Variants in WASF3 observed in about 807,000 individuals in gnomAD.
The protein encoded by WASF3 is actin-binding protein WASF3.
Under a neutral mutation model 46.6 loss-of-function variants are expected in WASF3, and 11 were observed. The ratio of observed to expected loss-of-function variants is 0.24; its 90% CI spans 0.15 to 0.39. WASF3 has a LOEUF of 0.39. WASF3 is among the 10% of genes least tolerant of loss of function. WASF3 has a pLI of 1.00. For synonymous variants in WASF3, 242 were observed against 259.7 expected (o/e 0.93, Z 0.65); for missense variants, 576 against 669.8 (o/e 0.86, Z 1.55).
At chr13:26,629,918 C>A (rs1881600044) in intron 2 of WASF3, among the ~76,000 whole-genome samples, 2 of 152,048 alleles carry the variant, frequency 1.3e-5, no homozygotes, top group African/African-American at 4.8e-5. Flanking sequence ...GGTCCTAGGG[C>A]CTTGCCTTTG....
At chr13:26,644,923 A>G (rs1189536976) in intron 3 of WASF3, among the ~76,000 whole-genome samples, 1 of 152,132 alleles carries the variant, frequency 6.6e-6, no homozygotes, top group East Asian at 1.9e-4. Flanking sequence ...TTCCCCTCCC[A>G]TTTGTGGTGC....
intron 1 of WASF3, among the ~76,000 whole-genome samples, chr13:26,561,655 T>C (rs1160637962): frequency 5.9e-5 from 9 of 152,160 alleles, no homozygotes; most frequent in Admixed American, 5.9e-4. Context: ...ACAGGGAGAC[T>C]GGGGGATGTT....
chr13:26,658,003 C>T (rs182916549), intron 3 of WASF3, among the ~76,000 whole-genome samples: 1 of 152,286 alleles, frequency 6.6e-6, no homozygotes. Context: ...GGTTAGGCAT[C>T]GGACCTAGAA....
chr13:26,569,333 C>T (rs1879565190), intron 1 of WASF3, among the ~76,000 whole-genome samples: 1 of 152,158 alleles, frequency 6.6e-6, no homozygotes, highest in Non-Finnish European at 1.5e-5. Flanking sequence ...CAGTATCTAT[C>T]AGCTTGTTGG....
At position 26,575,052 on chromosome 13, in the gene WASF3, G is replaced by C. The variant is rs563644051; in HGVS notation, c.-109+17233G>C. Among the ~76,000 whole-genome samples, 30 of 152,148 alleles carry C rather than the reference G, an allele frequency of 2.0e-4. No individual in the cohort carries two copies. The East Asian group carries it at 3.1e-3, about 16-fold the overall frequency. On this transcript the variant is annotated intron_variant, in intron 1 of 9. Coordinates refer to ENST00000335327, the MANE Select transcript of WASF3 (RefSeq NM_006646.6). ...GGGGTTACACTGTGTTAGCCAGGATGGTCTCGATCTCCTGACCTTGTGATC... is the reference window on the plus strand; with the variant it reads ...GGGGTTACACTGTGTTAGCCAGGATCGTCTCGATCTCCTGACCTTGTGATC...
chr13:26,561,587 C>T (rs1395287785), intron 1 of WASF3, among the ~76,000 whole-genome samples: 2 of 152,130 alleles, frequency 1.3e-5, no homozygotes, highest in African/African-American at 4.8e-5. Flanking sequence ...TTAGCTGTCC[C>T]AGACTGTCTC....
chr13:26,592,026 GTT>G (rs10607701), intron 1 of WASF3, among the ~76,000 whole-genome samples: 82,381 of 121,190 alleles, frequency 0.68, 26,887 homozygotes, highest in East Asian at 0.85. Flanking sequence ...GAGCAGGCGA[GTT>G]TTTTTTTTTT....
the WASF3 span, among the ~76,000 whole-genome samples, chr13:26,542,668 C>T: frequency 1.3e-5 from 2 of 152,214 alleles, no homozygotes; most frequent in African/African-American, 4.8e-5. Context: ...TCACACAAAG[C>T]TATATGTTAG....
intron 1 of WASF3, among the ~76,000 whole-genome samples, chr13:26,587,424 G>A (rs1408438842): frequency 6.6e-6 from 1 of 152,020 alleles, no homozygotes; most frequent in Non-Finnish European, 1.5e-5. Context: ...TCATTTGTCT[G>A]TTTCTTTTCC....
At chr13:26,573,316 A>G (rs548113557) in intron 1 of WASF3, among the ~76,000 whole-genome samples, 1 of 151,988 alleles carries the variant, frequency 6.6e-6, no homozygotes, top group East Asian at 1.9e-4. Context: ...GTATTTGTGC[A>G]TTTGCTCATT....
chr13:26,590,079 C>T (rs1880244687), intron 1 of WASF3, among the ~76,000 whole-genome samples: 1 of 152,218 alleles, frequency 6.6e-6, no homozygotes, highest in Non-Finnish European at 1.5e-5. Context: ...GAATAGCATT[C>T]TAACAGTATT....
intron 1 of WASF3, among the ~76,000 whole-genome samples, chr13:26,601,378 A>G (rs1283750571): frequency 7.6e-6 from 1 of 131,756 alleles, no homozygotes. Context: ...GGAGTTCTAT[A>G]GTCATTTAAT....
chr13:26,660,845 C>G (rs1566066567), intron 3 of WASF3, among the ~76,000 whole-genome samples: 1 of 152,134 alleles, frequency 6.6e-6, no homozygotes, highest in Non-Finnish European at 1.5e-5. Context: ...GATGATTGTG[C>G]AGGCTGTACA....
chr13:26,546,644 G>A, the WASF3 span, among the ~76,000 whole-genome samples: 12 of 152,156 alleles, frequency 7.9e-5, no homozygotes, highest in Non-Finnish European at 1.5e-4. Context: ...CCCGGGAGGC[G>A]GAGGTTGTGG....
chr13:26,610,858 G>C (rs1465158287), intron 1 of WASF3, among the ~76,000 whole-genome samples: 1 of 152,144 alleles, frequency 6.6e-6, no homozygotes, highest in African/African-American at 2.4e-5. Context: ...AGGAGTTACT[G>C]ATATGCTCTC....
the WASF3 span, among the ~76,000 whole-genome samples, chr13:26,542,561 GT>G: frequency 9.2e-5 from 14 of 152,158 alleles, no homozygotes; most frequent in African/African-American, 3.4e-4. Flanking sequence ...CCTTTCAAAT[GT>G]TTTTGTATTA....
At chr13:26,592,278 A>G (rs1321544934) in intron 1 of WASF3, among the ~76,000 whole-genome samples, 1 of 152,196 alleles carries the variant, frequency 6.6e-6, no homozygotes, top group Non-Finnish European at 1.5e-5. Context: ...ATTCCAGAAT[A>G]TTGGAAATAT....
At chr13:26,620,702 C>G (rs1309303025) in intron 2 of WASF3, 3 of 152,172 alleles carry the variant, frequency 2.0e-5, no homozygotes, top group Non-Finnish European at 4.4e-5. Flanking sequence ...AACAGAGAAA[C>G]TGCAAGACAG....
intron 6 of WASF3, among the ~76,000 whole-genome samples, chr13:26,673,207 A>T (rs150042269): frequency 6.6e-6 from 1 of 152,118 alleles, no homozygotes; most frequent in Non-Finnish European, 1.5e-5. Context: ...TCCTTTCTCA[A>T]TGATGCTTTT....
Sources: allele counts gnomAD v4.1 joint callset (sites outside exome capture counted in the v4.1 genomes callset), GRCh38; gene constraint gnomAD v4.1.1; transcripts MANE v1.5; gene names NCBI Gene and HGNC (gene_info 2026-07-23, HGNC 2026-07-21).